Variants in KCNQ4 observed in about 807,000 individuals in gnomAD.
KCNQ4 encodes potassium voltage-gated channel subfamily Q member 4.
A neutral mutation model predicts 72.6 loss-of-function variants in KCNQ4; 31 were observed. The observed-to-expected ratio is 0.43, with a 90% confidence interval of 0.32 to 0.58. KCNQ4 has a LOEUF of 0.58. Ranked by LOEUF, KCNQ4 falls within the 20% of genes least tolerant of loss-of-function variation. The pLI, the probability that KCNQ4 is intolerant of heterozygous loss-of-function variation, is 0.08. For synonymous variants in KCNQ4, 405 were observed against 403.7 expected, an observed-to-expected ratio of 1.00 and a Z score of -0.04; for missense variants, 869 against 962.6, an observed-to-expected ratio of 0.90 and a Z score of 1.29.
chr1:40,785,608 C>T (rs1056206086), intron 1 of KCNQ4, among the ~76,000 whole-genome samples: 7 of 152,090 alleles, frequency 4.6e-5, no homozygotes, highest in African/African-American at 1.7e-4. Context: ...CTTCTGCTTG[C>T]CTGTTTCCAT....
chr1:40,814,026 C>A (rs182318654), intron 1 of KCNQ4, among the ~76,000 whole-genome samples: 2 of 135,826 alleles, frequency 1.5e-5, no homozygotes, highest in African/African-American at 5.6e-5. Flanking sequence ...GGATTACAGG[C>A]GTGAGCCACT....
At chr1:40,819,784 C>T in intron 5 of KCNQ4, 91 bp from the exon 6 acceptor site, 1 of 1,096,112 alleles carries the variant, frequency 9.1e-7, no homozygotes, top group Admixed American at 1.7e-5. Flanking sequence ...GGCCCCTTCC[C>T]TCATGATCAG....
chr1:40,833,157 C>A, intron 11 of KCNQ4, 44 bp downstream of exon 11: 1 of 1,419,230 alleles, frequency 7.0e-7, no homozygotes, highest in Non-Finnish European at 9.9e-7. Flanking sequence ...CGTGTGCCAC[C>A]CACTGCTGCT....
chr1:40,802,266 G>A (rs770482113), intron 1 of KCNQ4, among the ~76,000 whole-genome samples: 1 of 152,116 alleles, frequency 6.6e-6, no homozygotes, highest in Non-Finnish European at 1.5e-5. Context: ...AGGCGGCGGT[G>A]GCGTCGCGTC....
chr1:40,816,202 A>G (rs1648080913), intron 1 of KCNQ4, among the ~76,000 whole-genome samples: 1 of 152,100 alleles, frequency 6.6e-6, no homozygotes, highest in Non-Finnish European at 1.5e-5. Flanking sequence ...GTACACAGAG[A>G]TGTATTTCCA....
At chr1:40,797,516 C>T (rs933278565) in intron 1 of KCNQ4, among the ~76,000 whole-genome samples, 6 of 152,174 alleles carry the variant, frequency 3.9e-5, no homozygotes, top group Middle Eastern at 3.4e-3. Flanking sequence ...GTGAGGACAC[C>T]GGGCTGGGGA....
At position 40,784,110 on chromosome 1, in the gene KCNQ4, C is replaced by G; in HGVS notation, c.17C>G (p.Pro6Arg). 4.7e-6 allele frequency: 3 copies of G among 637,964 alleles called. No individual in the cohort carries two copies. The highest frequency in any genetic ancestry group is 5.9e-6 in the Non-Finnish European group (3 of 510,848). The allele number at this position is 637,964 out of a possible 1,614,324, so 39.5% of individuals were successfully genotyped here. ...GCGCCGCCCATGGCCGAGGCCCCCC[C>G]GCGCCGCCTCGGCCTGGGTCCCCCG... MAEAP[P>R]RRLGLGPPPG... Residue 6 changes from proline to arginine, a missense_variant, in exon 1 of 14, where the codon CCG becomes CGG. This residue lies in a region of KCNQ4 where 178 missense variants were observed against 145.3 expected (regional missense o/e 1.22). Transcript: ENST00000347132. This position sits in a 1 kb window ranked among gnomAD's most constrained non-coding sequence, Gnocchi z 4.1.
intron 12 of KCNQ4, among the ~76,000 whole-genome samples, chr1:40,836,069 G>A (rs1648798499): frequency 6.6e-6 from 1 of 151,984 alleles, no homozygotes; most frequent in African/African-American, 2.4e-5. Context: ...TCTTTTAAAA[G>A]GATCACCCTG....
intron 1 of KCNQ4, among the ~76,000 whole-genome samples, chr1:40,790,307 G>T (rs1331310454): frequency 6.6e-6 from 1 of 152,218 alleles, no homozygotes; most frequent in Admixed American, 6.5e-5. Flanking sequence ...GGCACTGTTA[G>T]CCATGATCAT....
At chr1:40,796,374 G>A (rs1330208151) in intron 1 of KCNQ4, among the ~76,000 whole-genome samples, 2 of 152,160 alleles carry the variant, frequency 1.3e-5, no homozygotes, top group South Asian at 2.1e-4. Context: ...CTGAGAGCTT[G>A]CCACGCCTTC....
At chr1:40,827,915 A>G (rs899720202) in intron 9 of KCNQ4, among the ~76,000 whole-genome samples, 1 of 151,254 alleles carries the variant, frequency 6.6e-6, no homozygotes, top group African/African-American at 2.4e-5. Context: ...ACCTTAAAAG[A>G]AAATAGCTTA....
chr1:40,837,176 C>T (rs1199576930), intron 12 of KCNQ4, among the ~76,000 whole-genome samples: 1 of 151,974 alleles, frequency 6.6e-6, no homozygotes, highest in African/African-American at 2.4e-5. Context: ...CAGCCTCGAC[C>T]TCTCCGGCTC....
intron 1 of KCNQ4, among the ~76,000 whole-genome samples, chr1:40,800,831 G>T (rs1162073667): frequency 1.3e-5 from 2 of 152,180 alleles, no homozygotes; most frequent in Non-Finnish European, 2.9e-5. Flanking sequence ...GGCCCACAGG[G>T]GCCCTGGAAT....
At chr1:40,808,011 G>A (rs1240018990) in intron 1 of KCNQ4, among the ~76,000 whole-genome samples, 2 of 149,616 alleles carry the variant, frequency 1.3e-5, no homozygotes, top group Non-Finnish European at 2.9e-5. Flanking sequence ...GGAGGCTGAG[G>A]CAGGCAGATT....
At chr1:40,820,780 G>A (rs1033139468) in intron 7 of KCNQ4, among the ~76,000 whole-genome samples, 1 of 152,228 alleles carries the variant, frequency 6.6e-6, no homozygotes, top group Non-Finnish European at 1.5e-5. Flanking sequence ...AGCCAGAGGG[G>A]TGGGTAGGAA....
chr1:40,838,417 AC>A lies in KCNQ4; in HGVS notation c.1986del (p.Asp663ThrfsTer78). 1 of 1,613,730 alleles carries A rather than the reference AC, an allele frequency of 6.2e-7. No individual in the cohort carries two copies. The highest frequency in any genetic ancestry group is 2.2e-5 in the East Asian group (1 of 44,850). On this transcript the variant is annotated frameshift_variant, in exon 14 of 14. Transcript: ENST00000347132. LOFTEE classifies it high-confidence loss of function. ...SLGAVQVPLF[D>X]PDITSDYHSP... Reference sequence around the variant, plus strand: ...GGCGCCGTGCAAGTGCCGCTGTTCGACCCCGACATCACCTCCGACTACCACA... The same window carrying A: ...GGCGCCGTGCAAGTGCCGCTGTTCGACCCGACATCACCTCCGACTACCACA...
chr1:40,817,465 C>T lies in KCNQ4; in HGVS notation c.405+110C>T, dbSNP rs1356121266. On this transcript the variant is annotated intron_variant, in intron 2 of 13. Coordinates refer to ENST00000347132, the MANE Select transcript of KCNQ4 (RefSeq NM_004700.4). This position sits in a 1 kb window ranked among gnomAD's most constrained non-coding sequence, Gnocchi z 5.5. ...GAGGTAGCACCTCTGGGCTGGGAGT[C>T]CGGGACTGAAGGGGGCTGTGTGAGG... 6.8e-6 allele frequency: 5 copies of T among 733,828 alleles called. No homozygotes were observed. The highest frequency in any genetic ancestry group is 1.8e-5 in the African/African-American group (1 of 54,684). 45.5% of individuals were successfully genotyped at this position (733,828 alleles called of 1,614,324 possible).
chr1:40,807,717 G>A (rs1416663573), intron 1 of KCNQ4, among the ~76,000 whole-genome samples: 1 of 152,160 alleles, frequency 6.6e-6, no homozygotes, highest in Non-Finnish European at 1.5e-5. Context: ...TGGGGTTTAA[G>A]GAGCCCCTTT....
At chr1:40,824,300 C>T (rs1204025099) in intron 9 of KCNQ4, 42 bp downstream of exon 9, 3 of 1,580,186 alleles carry the variant, frequency 1.9e-6, no homozygotes, top group Admixed American at 1.7e-5. Context: ...TGCTTCTCCT[C>T]CTCTTCTTCC....
Sources: gnomAD v4.1 joint callset for allele counts (sites outside exome capture counted in the v4.1 genomes callset) on GRCh38, gnomAD v4.1.1 for gene constraint, gnomAD v4.1.1 regional missense constraint, Gnocchi (gnomAD v3.1) non-coding constraint, MANE v1.5 for transcripts, NCBI Gene and HGNC (gene_info 2026-07-23, HGNC 2026-07-21) for gene names.